The following TLK2 variants were observed in gnomAD, a reference collection of about 807,000 sequenced individuals.
TLK2 encodes the protein serine/threonine-protein kinase tousled-like 2.
A neutral mutation model predicts 117.3 loss-of-function variants in TLK2; 6 were observed. That is an observed-to-expected ratio of 0.05 (90% CI 0.03 to 0.10). The LOEUF (loss-of-function observed/expected upper bound fraction) is 0.10, where lower values mean the gene tolerates loss of function less well. Ranked by LOEUF, TLK2 falls within the 10% of genes least tolerant of loss-of-function variation. TLK2 has a pLI of 1.00. For synonymous variants in TLK2, 257 were observed against 316.7 expected (o/e 0.81, Z 2.00); for missense variants, 299 against 901.2 (o/e 0.33, Z 8.56).
intron 7 of TLK2, among the ~76,000 whole-genome samples, chr17:62,543,950 C>T (rs2430933): frequency 0.93 from 142,273 of 152,238 alleles, 67,242 homozygotes; most frequent in East Asian, 1. Context: ...TCTATGTGTT[C>T]TATACTTTTA....
At chr17:62,492,893 C>T (rs564874253) in intron 2 of TLK2, among the ~76,000 whole-genome samples, 37 of 151,948 alleles carry the variant, frequency 2.4e-4, no homozygotes, top group African/African-American at 8.7e-4. Context: ...ATCAGGAGTT[C>T]GAGACCAGCC....
intron 6 of TLK2, among the ~76,000 whole-genome samples, chr17:62,526,996 C>G (rs1477820557): frequency 6.6e-6 from 1 of 152,182 alleles, no homozygotes; most frequent in Non-Finnish European, 1.5e-5. Flanking sequence ...TCTGTGCTTC[C>G]CATCGTCCAC....
intron 1 of TLK2, chr17:62,471,207 C>G (rs1298068924): frequency 1.3e-5 from 2 of 152,220 alleles, no homozygotes; most frequent in African/African-American, 4.8e-5. Context: ...GACTGCCTGG[C>G]TGTGCAGTCT....
At position 62,575,742 on chromosome 17, in the gene TLK2, G is replaced by A. The variant is rs946642287; in HGVS notation, c.1122-967G>A. Among the ~76,000 whole-genome samples, 3 of 151,304 alleles carry A rather than the reference G, an allele frequency of 2.0e-5. No homozygotes were observed. In the East Asian group the frequency reaches 5.8e-4, roughly 29 times the overall value. On this transcript the variant is annotated intron_variant, in intron 12 of 21. Transcript: ENST00000346027. Reference sequence around the variant, plus strand: ...GACAGAGCCTTGCTCTGTTGCTTGGGCTGGAGTGCAGTGACATGATTATAG... The same window carrying A: ...GACAGAGCCTTGCTCTGTTGCTTGGACTGGAGTGCAGTGACATGATTATAG...
At chr17:62,611,175 A>T (rs989695382) in intron 21 of TLK2, among the ~76,000 whole-genome samples, 6 of 152,210 alleles carry the variant, frequency 3.9e-5, no homozygotes, top group African/African-American at 1.4e-4. Context: ...CCAGTATTTA[A>T]GCCAAGATAA....
chr17:62,510,712 T>C (rs1205545163), intron 2 of TLK2, among the ~76,000 whole-genome samples: 1 of 152,190 alleles, frequency 6.6e-6, no homozygotes, highest in East Asian at 1.9e-4. Flanking sequence ...TCTCATTCTT[T>C]GTCCTGATCT....
chr17:62,578,876 A>G (rs2081009600), intron 14 of TLK2, among the ~76,000 whole-genome samples: 1 of 152,202 alleles, frequency 6.6e-6, no homozygotes, highest in African/African-American at 2.4e-5. Context: ...GATATGTTGC[A>G]TATTCAGATT....
intron 9 of TLK2, among the ~76,000 whole-genome samples, chr17:62,554,156 C>T (rs2078676756): frequency 6.6e-6 from 1 of 152,184 alleles, no homozygotes; most frequent in Admixed American, 6.5e-5. Flanking sequence ...AACCTACTCA[C>T]CCAAACTTTT....
intron 2 of TLK2, among the ~76,000 whole-genome samples, chr17:62,501,165 G>A (rs1403866615): frequency 1.3e-5 from 2 of 152,164 alleles, no homozygotes; most frequent in African/African-American, 4.8e-5. Flanking sequence ...GTGAACCTGG[G>A]AGGTGGAGCT....
At chr17:62,475,683 G>A (rs1389117767), upstream of TLK2, among the ~76,000 whole-genome samples, 1 of 150,280 alleles carries the variant, frequency 6.7e-6, no homozygotes, top group Non-Finnish European at 1.5e-5. Context: ...TTTTTGAGAC[G>A]GAGTCTCGCT....
At chr17:62,532,898 T>C (rs932769128) in intron 6 of TLK2, among the ~76,000 whole-genome samples, 1 of 152,204 alleles carries the variant, frequency 6.6e-6, no homozygotes, top group Non-Finnish European at 1.5e-5. Flanking sequence ...CATAAATTGC[T>C]AGAAGGTTAT....
chr17:62,516,430 C>G lies in TLK2; in HGVS notation c.82-4343C>G, dbSNP rs548313680. 3.4e-4 allele frequency: 534 copies of G among 1,591,676 alleles called. 8 individuals are homozygous for G. In the South Asian group the frequency reaches 5.6e-3, roughly 17 times the overall value. ...CTTGTCGGCACCAGGTAGCACAGCA[C>G]TCCTCATATACAGACCTTTAGGCCG... On this transcript the variant is annotated intron_variant, in intron 2 of 21. Transcript: ENST00000346027.
intron 7 of TLK2, among the ~76,000 whole-genome samples, chr17:62,547,895 ATTTGCTGCATAGGAAT>A (rs769875198): frequency 5.9e-5 from 9 of 152,148 alleles, no homozygotes; most frequent in Non-Finnish European, 1.0e-4. Flanking sequence ...GGAGGGGTGT[ATTTGCTGCATAGGAAT>A]AAATGGTAAC....
At position 62,519,506 on chromosome 17, in the gene TLK2, C is replaced by T. The variant is rs185128672; in HGVS notation, c.82-1267C>T. 2.5e-3 allele frequency among the ~76,000 whole-genome samples: 378 copies of T among 152,196 alleles called. 1 individual carries two copies. The highest frequency in any genetic ancestry group is 8.4e-3 in the African/African-American group (347 of 41,512). On this transcript the variant is annotated intron_variant, in intron 2 of 21. Transcript: ENST00000346027. ...CCATATGCATGTTAGAATTTGCCTA[C>T]CAATTTCTACAAAGAAGTCAGCTGG...
At chr17:62,488,034 G>A (rs2072663332) in intron 2 of TLK2, among the ~76,000 whole-genome samples, 1 of 152,090 alleles carries the variant, frequency 6.6e-6, no homozygotes, top group Non-Finnish European at 1.5e-5. Flanking sequence ...CCACCTCCCG[G>A]GTTCAAGCGA....
In TLK2 at chr17:62,575,160, T is replaced by A. The variant is rs192959768; in HGVS notation, c.1122-1549T>A. Among the ~76,000 whole-genome samples, 14 of 152,342 alleles carry A rather than the reference T, an allele frequency of 9.2e-5. 1 individual carries two copies. The East Asian group carries it at 9.6e-4, about 10-fold the overall frequency. On this transcript the variant is annotated intron_variant, in intron 12 of 21. Coordinates refer to ENST00000346027, the MANE Select transcript of TLK2 (RefSeq NM_006852.6). ...ATAATTAGAATGCAATCTAGGCTAG[T>A]AATGTGTAAGCAATTGCTATCTGGT...
At chr17:62,518,210 T>C (rs2075770100) in intron 2 of TLK2, among the ~76,000 whole-genome samples, 1 of 152,204 alleles carries the variant, frequency 6.6e-6, no homozygotes, top group Admixed American at 6.5e-5. Context: ...ATAAATGGGT[T>C]AATATAGTTT....
chr17:62,505,561 C>T (rs1289730232), intron 2 of TLK2, among the ~76,000 whole-genome samples: 3 of 151,622 alleles, frequency 2.0e-5, no homozygotes, highest in Non-Finnish European at 4.4e-5. Context: ...CTCAAGACAC[C>T]AGTTGTTTTT....
chr17:62,566,813 G>A (rs948391729), intron 11 of TLK2, among the ~76,000 whole-genome samples: 1 of 152,222 alleles, frequency 6.6e-6, no homozygotes, highest in African/African-American at 2.4e-5. Context: ...TGCTTACACT[G>A]ACTTCTAGTA....
Sources: allele counts gnomAD v4.1 joint callset (sites outside exome capture counted in the v4.1 genomes callset), GRCh38; gene constraint gnomAD v4.1.1; transcripts MANE v1.5; gene names NCBI Gene and HGNC (gene_info 2026-07-23, HGNC 2026-07-21).